The following YPEL5 variants were observed in gnomAD, a reference collection of about 807,000 sequenced individuals.
YPEL5 encodes the protein yippee like 5.
In YPEL5, 1 loss-of-function variant was observed where a neutral mutation model predicts 10.5. That is an observed-to-expected ratio of 0.10 (90% CI 0.03 to 0.45). The LOEUF is 0.45. Among genes scored for constraint, YPEL5 ranks in the 20% least tolerant of loss-of-function variants. YPEL5 has a pLI of 0.97. For missense variants in YPEL5, 68 were observed against 159.3 expected, an observed-to-expected ratio of 0.43 and a Z score of 3.09; for synonymous variants, 61 against 56.6, an observed-to-expected ratio of 1.08 and a Z score of -0.35.
chr2:30,152,161 G>T (rs548902986), intron 1 of YPEL5, among the ~76,000 whole-genome samples: 8 of 149,530 alleles, frequency 5.4e-5, no homozygotes, highest in Admixed American at 1.3e-4. Context: ...TAATAAAGCG[G>T]TTTTTTTTTT....
rs552868769 is a variant in YPEL5, at chr2:30,157,492, A to C, written c.141+700A>C. On this transcript the variant is annotated intron_variant, in intron 2 of 2. Transcript: ENST00000261353. The stretch of plus-strand genomic sequence containing the variant: ...ACAGCGAATAACGATCATCTAACCA[A>C]CTTTTCATGCTCTAATTCATGCTCA... 1.5e-4 allele frequency among the ~76,000 whole-genome samples: 23 copies of C among 152,220 alleles called. No individual in the cohort carries two copies. The South Asian group carries it at 4.6e-3, about 30-fold the overall frequency.
chr2:30,158,902 T>G lies in YPEL5; in HGVS notation c.*59T>G, dbSNP rs1676158097. 6.6e-7 allele frequency: 1 copy of G among 1,508,446 alleles called. No individual in the cohort carries two copies. Among genetic ancestry groups the G allele is most frequent in the Non-Finnish European group, 9.1e-7 (1 of 1,092,902 alleles). The allele number at this position is 1,508,446 out of a possible 1,614,324, so 93.4% of individuals were successfully genotyped here. A position where few individuals can be genotyped will look rare whatever the true frequency, so the allele number is the denominator to read the frequency against. On this transcript the variant is annotated 3_prime_UTR_variant, in exon 3 of 3. Transcript: ENST00000261353. ...TCCTTCACTGAAAACAAAAATCTAC[T>G]TACATACACTGTCACCTTAGCATCA... is the stretch of plus-strand genomic sequence containing the variant.
chr2:30,155,077 G>A (rs1453185490), intron 1 of YPEL5, among the ~76,000 whole-genome samples: 2 of 152,006 alleles, frequency 1.3e-5, no homozygotes, highest in South Asian at 2.1e-4. Flanking sequence ...AAAATAATGC[G>A]GTAATCTTAA....
chr2:30,154,544 A>G (rs1675951869), intron 1 of YPEL5, among the ~76,000 whole-genome samples: 1 of 152,168 alleles, frequency 6.6e-6, no homozygotes, highest in Admixed American at 6.5e-5. Flanking sequence ...AGATCTTCCA[A>G]ATTTTAAATG....
In YPEL5 at chr2:30,158,630, G is replaced by A. The variant is rs780309618; in HGVS notation, c.153G>A (p.Leu51=). 1 of 1,613,376 alleles carries A rather than the reference G, an allele frequency of 6.2e-7. No individual in the cohort carries two copies. The highest frequency in any genetic ancestry group is 1.3e-5 in the African/African-American group (1 of 74,918). ...RAFLFNKVVN[L]QYSEVQDRVM... ...TTGTCCCTTGTTAGGTAGTTAACCT[G>A]CAGTACAGTGAAGTTCAAGATCGGG... The change falls in exon 3 of 3, where the codon CTG becomes CTA. Residue 51 remains leucine (L), a synonymous_variant. Coordinates refer to ENST00000261353, the MANE Select transcript of YPEL5 (RefSeq NM_016061.3).
chr2:30,156,563 C>A (rs1676046928), intron 1 of YPEL5, 65 bp from the exon 2 acceptor site: 7 of 1,452,616 alleles, frequency 4.8e-6, no homozygotes, highest in Non-Finnish European at 6.6e-6. Flanking sequence ...CTCTATGACA[C>A]CCCCCAAGTA....
intron 1 of YPEL5, among the ~76,000 whole-genome samples, chr2:30,149,946 AGATGC>A (rs1675706876): frequency 6.6e-6 from 1 of 152,250 alleles, no homozygotes; most frequent in South Asian, 2.1e-4. Context: ...AGGTTCTATG[AGATGC>A]GAATAGATAC....
intron 1 of YPEL5, among the ~76,000 whole-genome samples, chr2:30,149,194 C>G (rs1288392679): frequency 6.6e-6 from 1 of 152,040 alleles, no homozygotes; most frequent in East Asian, 1.9e-4. Context: ...GTCTTATTTT[C>G]TAATATTTAA....
At chr2:30,157,889 G>T (rs1365559271) in intron 2 of YPEL5, among the ~76,000 whole-genome samples, 1 of 152,230 alleles carries the variant, frequency 6.6e-6, no homozygotes, top group Non-Finnish European at 1.5e-5. Context: ...ACACAGCTCT[G>T]CTTGTGCATT....
At position 30,149,387 on chromosome 2, in the gene YPEL5, A is replaced by G. The variant is rs557495077; in HGVS notation, c.-25+2325A>G. Among the ~76,000 whole-genome samples, 3 of 152,338 alleles carry G rather than the reference A, an allele frequency of 2.0e-5. No homozygotes were observed. The East Asian group carries it at 5.8e-4, about 29-fold the overall frequency. On this transcript the variant is annotated intron_variant, in intron 1 of 2. Coordinates refer to ENST00000261353, the MANE Select transcript of YPEL5 (RefSeq NM_016061.3). ...AAACTGGTCACGTACTGCAAGAGGA[A>G]AGCAGAGCTTGCTTGTGTCACTGAA...
At chr2:30,149,659 C>A (rs754866407) in intron 1 of YPEL5, among the ~76,000 whole-genome samples, 5 of 152,216 alleles carry the variant, frequency 3.3e-5, no homozygotes, top group African/African-American at 1.2e-4. Flanking sequence ...CTGGCTTCCA[C>A]GGGATTCCAT....
At chr2:30,156,926 C>T (rs1676066313) in intron 2 of YPEL5, 134 bp downstream of exon 2, 1 of 1,079,660 alleles carries the variant, frequency 9.3e-7, no homozygotes, top group African/African-American at 1.6e-5. Flanking sequence ...AAATGATTGC[C>T]CACTAGCTCG....
At position 30,159,134 on chromosome 2, in the gene YPEL5, A is replaced by AG. The variant is rs1676171015; in HGVS notation, c.*293dup. 1 of 314,798 alleles carries AG rather than the reference A, an allele frequency of 3.2e-6. No individual in the cohort carries two copies. The allele number at this position is 314,798 out of a possible 1,614,324, so 19.5% of individuals were successfully genotyped here. ...CTGCAGCTATGTGGTGAGCTATGTA[A>AG]GGAAAAAAATCTGGGCTGTTAGAGT... On this transcript the variant is annotated 3_prime_UTR_variant, in exon 3 of 3. Transcript: ENST00000261353.
intron 1 of YPEL5, 96 bp downstream of exon 1, chr2:30,147,158 G>T: frequency 6.6e-6 from 1 of 152,444 alleles, no homozygotes; most frequent in Non-Finnish European, 1.5e-5. Context: ...TCGGCCCAGG[G>T]TGGGGGGCCC....
At chr2:30,149,656 C>A (rs1303924267) in intron 1 of YPEL5, among the ~76,000 whole-genome samples, 2 of 152,224 alleles carry the variant, frequency 1.3e-5, no homozygotes, top group Non-Finnish European at 2.9e-5. Context: ...AAGCTGGCTT[C>A]CACGGGATTC....
At chr2:30,153,477 T>C (rs1440577698) in intron 1 of YPEL5, among the ~76,000 whole-genome samples, 1 of 152,288 alleles carries the variant, frequency 6.6e-6, no homozygotes. Context: ...ATATCACATA[T>C]GAATGGTGGG....
In YPEL5 at chr2:30,147,082, C is replaced by T. The variant is rs989786043; in HGVS notation, c.-25+20C>T. 1 of 152,376 alleles carries T rather than the reference C, an allele frequency of 6.6e-6. No homozygotes were observed. Among genetic ancestry groups the T allele is most frequent in the Non-Finnish European group, 1.5e-5 (1 of 68,204 alleles). The allele number at this position is 152,376 out of a possible 1,614,324, so 9.4% of individuals were successfully genotyped here. On this transcript the variant is annotated intron_variant, in intron 1 of 2. Transcript: ENST00000261353. ...CTCAGGGTGAGTCCCGCGGGAGGGGCTGGACTCGGGGCCGGTGGGGACTGA... is the reference window on the plus strand; with the variant it reads ...CTCAGGGTGAGTCCCGCGGGAGGGGTTGGACTCGGGGCCGGTGGGGACTGA...
intron 1 of YPEL5, among the ~76,000 whole-genome samples, chr2:30,154,189 A>G (rs7585724): frequency 0.098 from 14,859 of 152,298 alleles, 1,699 homozygotes; most frequent in East Asian, 0.57. Context: ...CACAAATACT[A>G]GTCTTCAAAG....
intron 1 of YPEL5, chr2:30,147,652 G>C (rs1675519216): frequency 1.3e-5 from 2 of 152,174 alleles, no homozygotes; most frequent in South Asian, 4.1e-4. Flanking sequence ...CCCAGCCACC[G>C]GGCTGGGGCG....
Sources: allele counts gnomAD v4.1 joint callset (sites outside exome capture counted in the v4.1 genomes callset), GRCh38; gene constraint gnomAD v4.1.1; transcripts MANE v1.5; gene names NCBI Gene and HGNC (gene_info 2026-07-23, HGNC 2026-07-21).